TENM4: variants seen among roughly 807,000 people sequenced by gnomAD.
The protein encoded by TENM4 is teneurin transmembrane protein 4.
Under a neutral mutation model 243.3 loss-of-function variants are expected in TENM4, and 82 were observed. That is an observed-to-expected ratio of 0.34 (90% CI 0.28 to 0.40). TENM4 has a LOEUF of 0.40. Among genes scored for constraint, TENM4 ranks in the 10% least tolerant of loss-of-function variants. TENM4 has a pLI of 1.00. For missense variants in TENM4, 3,138 were observed against 3,673.3 expected (o/e 0.85, Z 3.77); for synonymous variants, 1,412 against 1,456.3 (o/e 0.97, Z 0.69).
At chr11:79,216,615 G>A (rs577584373) in intron 2 of TENM4, among the ~76,000 whole-genome samples, 4 of 152,192 alleles carry the variant, frequency 2.6e-5, no homozygotes, top group Non-Finnish European at 5.9e-5. Flanking sequence ...TCATAGCAGT[G>A]AGTGAGTTAT....
intron 12 of TENM4, among the ~76,000 whole-genome samples, chr11:78,843,045 G>A (rs1418946375): frequency 1.3e-5 from 2 of 152,066 alleles, no homozygotes; most frequent in African/African-American, 2.4e-5. Flanking sequence ...TTGGGAGGCC[G>A]AGGCGGGTGG....
rs187093256 is a variant in TENM4, at chr11:79,394,998, C to T, written c.-321+45511G>A. Among the ~76,000 whole-genome samples, 15 of 152,314 alleles carry T rather than the reference C, an allele frequency of 9.8e-5. No individual in the cohort carries two copies. The East Asian group carries it at 2.9e-3, about 29-fold the overall frequency. ...GCCCCCAAGAAGGAGCCAACATTGCCAACACCTGGATTTCAGACTTCTAGC... is the reference window on the plus strand; with the variant it reads ...GCCCCCAAGAAGGAGCCAACATTGCTAACACCTGGATTTCAGACTTCTAGC... On this transcript the variant is annotated intron_variant, in intron 1 of 33. Coordinates refer to ENST00000278550, the MANE Select transcript of TENM4 (RefSeq NM_001098816.3).
chr11:78,719,165 T>A (rs2135829735), intron 25 of TENM4, among the ~76,000 whole-genome samples: 1 of 152,202 alleles, frequency 6.6e-6, no homozygotes, highest in South Asian at 2.1e-4. Context: ...CCAAGGGAGA[T>A]TTTATTAACC....
At chr11:79,130,102 A>C (rs1236128586) in intron 4 of TENM4, among the ~76,000 whole-genome samples, 1 of 152,186 alleles carries the variant, frequency 6.6e-6, no homozygotes. Flanking sequence ...GGAGCTGGGT[A>C]GACTTGCTGG....
intron 1 of TENM4, among the ~76,000 whole-genome samples, chr11:79,409,213 A>AT (rs1360393138): frequency 3.3e-5 from 5 of 151,658 alleles, no homozygotes; most frequent in African/African-American, 1.2e-4. Flanking sequence ...AAAAAAAAAA[A>AT]GATTATACTA....
Position 79,050,244 on chromosome 11 carries a change from T to A in TENM4, c.493+14494A>T, listed in dbSNP as rs1859760878. On this transcript the variant is annotated intron_variant, in intron 6 of 33. Coordinates refer to ENST00000278550, the MANE Select transcript of TENM4 (RefSeq NM_001098816.3). ...AGACTCTTGAAGAGCTTTTGAAATC[T>A]GGGGAAAAAAGTGACACGATCTTTT... 2.0e-5 allele frequency among the ~76,000 whole-genome samples: 3 copies of A among 152,170 alleles called. 1 individual carries two copies. In the South Asian group the frequency reaches 6.2e-4, roughly 32 times the overall value.
intron 6 of TENM4, among the ~76,000 whole-genome samples, chr11:79,030,001 C>T (rs1207330588): frequency 1.3e-5 from 2 of 152,064 alleles, no homozygotes; most frequent in Non-Finnish European, 2.9e-5. Context: ...TTGAAAGGAT[C>T]TAGGGAAAGG....
rs536945925 is a variant in TENM4, at chr11:79,358,791, T to A, written c.-320-61248A>T. Among the ~76,000 whole-genome samples, 4 of 150,892 alleles carry A rather than the reference T, an allele frequency of 2.7e-5. No individual in the cohort carries two copies. The South Asian group carries it at 8.6e-4, about 32-fold the overall frequency. Reference sequence around the variant, plus strand: ...ACCTCTAACTTCCTAACTTCTTAGCTTCCTCTCTCCCTCCTTCCTGCCATT... The same window carrying A: ...ACCTCTAACTTCCTAACTTCTTAGCATCCTCTCTCCCTCCTTCCTGCCATT... On this transcript the variant is annotated intron_variant, in intron 1 of 33. Transcript: ENST00000278550.
chr11:78,694,783 C>T (rs570023531), intron 28 of TENM4, among the ~76,000 whole-genome samples: 19 of 152,324 alleles, frequency 1.2e-4, no homozygotes, highest in South Asian at 1.0e-3. Context: ...GTGGTAGGCA[C>T]GGGCAAGAGA....
At chr11:79,154,426 C>T (rs185962920) in intron 3 of TENM4, among the ~76,000 whole-genome samples, 12 of 152,260 alleles carry the variant, frequency 7.9e-5, no homozygotes, top group Admixed American at 7.8e-4. Flanking sequence ...CCAAACACCT[C>T]CCACTAGGCC....
intron 6 of TENM4, among the ~76,000 whole-genome samples, chr11:78,998,613 TG>T (rs1858235556): frequency 6.6e-6 from 1 of 151,858 alleles, no homozygotes; most frequent in East Asian, 1.9e-4. Context: ...GTTATCATCC[TG>T]GGCTTGTTCT....
chr11:79,180,734 C>A (rs1373329585), intron 3 of TENM4, among the ~76,000 whole-genome samples: 1 of 151,352 alleles, frequency 6.6e-6, no homozygotes, highest in Non-Finnish European at 1.5e-5. Flanking sequence ...ATTTCAGCTA[C>A]TTGGGATGCT....
chr11:78,719,519 C>G (rs1181231518), intron 25 of TENM4, among the ~76,000 whole-genome samples: 1 of 152,158 alleles, frequency 6.6e-6, no homozygotes, highest in Non-Finnish European at 1.5e-5. Flanking sequence ...TCCACCACCC[C>G]TAAGACTTTC....
chr11:78,963,517 C>T (rs1427879959), intron 6 of TENM4, among the ~76,000 whole-genome samples: 3 of 152,168 alleles, frequency 2.0e-5, no homozygotes, highest in Admixed American at 2.0e-4. Flanking sequence ...ATAGTCATAT[C>T]CATCCAGCTT....
At chr11:78,732,638 G>C in intron 20 of TENM4, 61 bp from the exon 21 acceptor site, 4 of 1,501,664 alleles carry the variant, frequency 2.7e-6, no homozygotes, top group South Asian at 1.4e-5. Flanking sequence ...ACCAGGATGA[G>C]AAAGAGAGAG....
Position 79,175,554 on chromosome 11 carries a change from T to C in TENM4, c.-162-26748A>G, listed in dbSNP as rs567714941. Among the ~76,000 whole-genome samples, 46 of 152,270 alleles carry C rather than the reference T, an allele frequency of 3.0e-4. 1 individual carries two copies. Among genetic ancestry groups the C allele is most frequent in the African/African-American group, 1.1e-3 (44 of 41,546 alleles). ...ATGAATATTTAATGACATGGAAAGG[T>C]AGACTATATGTTGTTAAATGAAAAA... On this transcript the variant is annotated intron_variant, in intron 3 of 33. Transcript: ENST00000278550.
intron 1 of TENM4, among the ~76,000 whole-genome samples, chr11:79,339,397 T>G (rs961900198): frequency 6.6e-6 from 1 of 152,194 alleles, no homozygotes; most frequent in Non-Finnish European, 1.5e-5. Context: ...GCTGTGTCTT[T>G]GAAAAGTATC....
intron 2 of TENM4, among the ~76,000 whole-genome samples, chr11:79,227,761 G>A (rs555116996): frequency 6.6e-6 from 1 of 152,320 alleles, no homozygotes; most frequent in East Asian, 1.9e-4. Context: ...CAAGGATCCT[G>A]GCTGTGACAC....
intron 3 of TENM4, among the ~76,000 whole-genome samples, chr11:79,179,220 G>A (rs1207974285): frequency 2.0e-5 from 3 of 152,192 alleles, no homozygotes; most frequent in Non-Finnish European, 4.4e-5. Flanking sequence ...CTGGCCTTAC[G>A]TAGTCTGCTG....
Sources: allele counts gnomAD v4.1 joint callset (sites outside exome capture counted in the v4.1 genomes callset), GRCh38; gene constraint gnomAD v4.1.1; transcripts MANE v1.5; gene names NCBI Gene and HGNC (gene_info 2026-07-23, HGNC 2026-07-21).